The following PLEKHA1 variants were observed in gnomAD, a reference collection of about 807,000 sequenced individuals.
PLEKHA1 encodes pleckstrin homology domain-containing family A member 1.
In PLEKHA1, 34 loss-of-function variants were observed where a neutral mutation model predicts 52.0. The observed-to-expected ratio is 0.65, with a 90% CI of 0.50 to 0.87. PLEKHA1 has a LOEUF of 0.87. Ranked by LOEUF, PLEKHA1 falls within the 40% of genes least tolerant of loss-of-function variation. PLEKHA1 has a pLI of 0.00. For synonymous variants in PLEKHA1, 163 were observed against 170.7 expected (o/e 0.95, Z 0.35); for missense variants, 497 against 504.2 (o/e 0.99, Z 0.14).
rs1198853959 is a variant in PLEKHA1, at chr10:122,393,968, CAG to C, written c.141+628_141+629del. Among the ~76,000 whole-genome samples, 2 of 151,330 alleles carry C rather than the reference CAG, an allele frequency of 1.3e-5. No homozygotes were observed. Among genetic ancestry groups the C allele is most frequent in the Non-Finnish European group, 2.9e-5 (2 of 67,922 alleles). ...GATTTTATTGTTGCCTTGCAAAACA[CAG>C]GGGTAAATGCTACAATTTAAAAAAT... is the stretch of plus-strand genomic sequence containing the variant. On this transcript the variant is annotated intron_variant, in intron 2 of 11. Coordinates refer to ENST00000368990, the MANE Select transcript of PLEKHA1 (RefSeq NM_001001974.4). The surrounding 1 kb of genome is among the most constrained non-coding windows in gnomAD (Gnocchi z 4.5).
At chr10:122,377,694 T>G (rs983633967) in intron 1 of PLEKHA1, among the ~76,000 whole-genome samples, 2 of 152,232 alleles carry the variant, frequency 1.3e-5, no homozygotes, top group Non-Finnish European at 2.9e-5. Context: ...TTACACTTAC[T>G]GAGCAATATT....
intron 10 of PLEKHA1, 92 bp downstream of exon 10, chr10:122,425,051 G>C: frequency 1.7e-6 from 2 of 1,162,722 alleles, no homozygotes; most frequent in Non-Finnish European, 1.2e-6. Context: ...TGTTGCACTT[G>C]AGGTTAAAAA....
intron 1 of PLEKHA1, among the ~76,000 whole-genome samples, chr10:122,375,244 C>G (rs929780428): frequency 6.6e-6 from 1 of 152,100 alleles, no homozygotes; most frequent in South Asian, 2.1e-4. Flanking sequence ...CGGGGATTCC[C>G]GGTGGCGCCG....
intron 1 of PLEKHA1, among the ~76,000 whole-genome samples, chr10:122,377,986 A>C (rs2096561541): frequency 6.6e-6 from 1 of 152,180 alleles, no homozygotes; most frequent in African/African-American, 2.4e-5. Flanking sequence ...TCCTACATGG[A>C]ACTCTTACCA....
chr10:122,395,255 T>A (rs1032283473), intron 2 of PLEKHA1, among the ~76,000 whole-genome samples: 6 of 152,176 alleles, frequency 3.9e-5, no homozygotes, highest in Non-Finnish European at 8.8e-5. Flanking sequence ...TGCATTGGCT[T>A]TTCTGGACAC....
intron 3 of PLEKHA1, among the ~76,000 whole-genome samples, chr10:122,398,649 G>A (rs1434658149): frequency 6.6e-6 from 1 of 151,338 alleles, no homozygotes; most frequent in Non-Finnish European, 1.5e-5. Flanking sequence ...AGTAATAAAA[G>A]TTTGTTGATT....
intron 6 of PLEKHA1, 149 bp downstream of exon 6, chr10:122,413,194 TAAA>T (rs1436086408): frequency 1.3e-6 from 1 of 744,800 alleles, no homozygotes; most frequent in Non-Finnish European, 1.9e-6. Flanking sequence ...GTATTTATTA[TAAA>T]AAATTTGGAA....
intron 8 of PLEKHA1, chr10:122,418,558 C>T (rs1456101189): frequency 1.3e-5 from 2 of 152,122 alleles, no homozygotes; most frequent in Non-Finnish European, 2.9e-5. Context: ...AGAATTCTGT[C>T]TGTAAAAGTC....
intron 4 of PLEKHA1, 107 bp downstream of exon 4, chr10:122,400,495 A>C (rs536265723): frequency 2.0e-6 from 2 of 1,017,594 alleles, no homozygotes; most frequent in Non-Finnish European, 2.9e-6. Context: ...TTAATGAATT[A>C]TTCTAAAGTG....
chr10:122,378,843 C>A (rs1270652137), intron 1 of PLEKHA1, among the ~76,000 whole-genome samples: 1 of 150,224 alleles, frequency 6.7e-6, no homozygotes, highest in African/African-American at 2.4e-5. Context: ...TTTTTCCCTT[C>A]CTTACCCTGT....
chr10:122,408,516 C>T (rs2097057562), intron 5 of PLEKHA1, among the ~76,000 whole-genome samples: 1 of 151,950 alleles, frequency 6.6e-6, no homozygotes, highest in Non-Finnish European at 1.5e-5. Context: ...TTTTATAATT[C>T]ACATTTGGAA....
intron 11 of PLEKHA1, among the ~76,000 whole-genome samples, chr10:122,429,419 T>C (rs1169939210): frequency 6.6e-6 from 1 of 152,154 alleles, no homozygotes; most frequent in East Asian, 1.9e-4. Context: ...ATCATTGCTT[T>C]AAACTCACCT....
chr10:122,413,021 C>T lies in PLEKHA1; in HGVS notation c.444C>T (p.Gly148=), dbSNP rs148710576. 106 of 1,612,656 alleles carry T rather than the reference C, an allele frequency of 6.6e-5. No individual in the cohort carries two copies. The African/African-American group carries it at 8.1e-4, about 12-fold the overall frequency. The change falls in exon 6 of 12, where the codon GGC becomes GGT. Residue 148 remains glycine, a synonymous_variant. Transcript: ENST00000368990. ...QVSYRTDIVG[G]VPIITPTQKE... is the part of the protein sequence containing the mutation. ...CTTACAGAACTGATATTGTTGGTGG[C>T]GTACCCATCATTACTCCCACTCAGG...
the PLEKHA1 span, chr10:122,438,604 A>T: frequency 1.3e-5 from 2 of 152,270 alleles, no homozygotes; most frequent in Non-Finnish European, 2.9e-5. Flanking sequence ...GAGAGAATAG[A>T]TGTCTAGGAT....
At chr10:122,425,604 C>G (rs184354002) in intron 10 of PLEKHA1, 128 of 151,224 alleles carry the variant, frequency 8.5e-4, no homozygotes, top group African/African-American at 2.9e-3. Context: ...GCTTGTAATC[C>G]TAGCAACTTG....
chr10:122,401,405 A>G (rs1336418242), intron 4 of PLEKHA1, among the ~76,000 whole-genome samples: 1 of 152,086 alleles, frequency 6.6e-6, no homozygotes, highest in Non-Finnish European at 1.5e-5. Flanking sequence ...TACTGTACTT[A>G]TGTAAGGTCC....
At chr10:122,427,562 T>A (rs1015213102) in intron 11 of PLEKHA1, among the ~76,000 whole-genome samples, 1 of 152,248 alleles carries the variant, frequency 6.6e-6, no homozygotes, top group African/African-American at 2.4e-5. Context: ...TTTCATGTTT[T>A]AATTCTCATT....
chr10:122,381,436 A>G (rs1334825009), intron 1 of PLEKHA1, among the ~76,000 whole-genome samples: 2 of 152,118 alleles, frequency 1.3e-5, no homozygotes, highest in Non-Finnish European at 2.9e-5. Flanking sequence ...AGACATCCCT[A>G]CTTTCTGTTC....
At chr10:122,386,950 C>A (rs1471388355) in intron 1 of PLEKHA1, 1 of 151,930 alleles carries the variant, frequency 6.6e-6, no homozygotes, top group African/African-American at 2.4e-5. Flanking sequence ...TGTGTTTTTT[C>A]AAAGAATTTG....
Sources: allele counts gnomAD v4.1 joint callset (sites outside exome capture counted in the v4.1 genomes callset), GRCh38; gene constraint gnomAD v4.1.1; non-coding constraint Gnocchi (gnomAD v3.1); transcripts MANE v1.5; gene names NCBI Gene and HGNC (gene_info 2026-07-23, HGNC 2026-07-21).